TTLL9: variants seen among roughly 807,000 people sequenced by gnomAD.
The protein encoded by TTLL9 is probable tubulin polyglutamylase TTLL9.
A neutral mutation model predicts 65.6 loss-of-function variants in TTLL9; 47 were observed. The observed-to-expected ratio is 0.72, with a 90% CI of 0.57 to 0.91. The LOEUF is 0.91. Among genes scored for constraint, TTLL9 ranks in the 40% least tolerant of loss-of-function variants. The pLI, the probability that TTLL9 is intolerant of heterozygous loss-of-function variation, is 0.00. For synonymous variants in TTLL9, 179 were observed against 204.8 expected (o/e 0.87, Z 1.07); for missense variants, 537 against 568.8 (o/e 0.94, Z 0.57).
At chr20:31,883,447 C>T (rs1351611619) in intron 2 of TTLL9, among the ~76,000 whole-genome samples, 1 of 152,198 alleles carries the variant, frequency 6.6e-6, no homozygotes, top group Non-Finnish European at 1.5e-5. Flanking sequence ...CCACCTGCCT[C>T]AGTCTCCCAA....
Position 31,938,198 on chromosome 20 carries a change from T to C in TTLL9, c.1118+689T>C, listed in dbSNP as rs1470111398. ...TTCCAGCAGAAGTTTGAGGGCTGAT[T>C]CTCCTTGCTGGTAACTGGGACACAT... On this transcript the variant is annotated intron_variant, in intron 13 of 14. Transcript: ENST00000535842. The C allele has an allele frequency of 1.8e-5, 8 of 456,552 alleles. No homozygotes were observed. In the Admixed American group the frequency reaches 1.9e-4, roughly 11 times the overall value. The allele number at this position is 456,552 out of a possible 1,614,324, so 28.3% of individuals were successfully genotyped here.
Position 31,887,240 on chromosome 20 carries a change from G to GT in TTLL9, c.113+2dup. On this transcript the variant is annotated splice_donor_variant, in intron 3 of 14. Coordinates refer to ENST00000535842, the MANE Select transcript of TTLL9 (RefSeq NM_001008409.5). LOFTEE classifies it high-confidence loss of function. ...ATGGATTGTCAAAGGGAAAAGAGCG[G>GT]TGAGTGGTCCCATCCAATCCAACAA... The GT allele has an allele frequency of 1.9e-6, 3 of 1,614,120 alleles. No homozygotes were observed. Among genetic ancestry groups the GT allele is most frequent in the Non-Finnish European group, 2.5e-6 (3 of 1,180,004 alleles).
chr20:31,911,535 C>T (rs1346685763), intron 6 of TTLL9, among the ~76,000 whole-genome samples: 1 of 152,194 alleles, frequency 6.6e-6, no homozygotes, highest in Non-Finnish European at 1.5e-5. Flanking sequence ...ACCCAGGCCT[C>T]CCAGGTTCTT....
rs1453754484 is a variant in TTLL9, at chr20:31,909,679, G to A, written c.319-58G>A. ...GGTGGCTGGTGGATGTGTGGGGCTG[G>A]GAGGGGAGCGGGGCTGTGAGCAGGA... On this transcript the variant is annotated intron_variant, in intron 5 of 14. Transcript: ENST00000535842. The A allele has an allele frequency of 3.9e-6, 6 of 1,544,616 alleles. No homozygotes were observed. In the East Asian group the frequency reaches 1.4e-4, roughly 35 times the overall value.
At chr20:31,926,575 A>G (rs906449398) in intron 10 of TTLL9, among the ~76,000 whole-genome samples, 1 of 152,230 alleles carries the variant, frequency 6.6e-6, no homozygotes, top group Non-Finnish European at 1.5e-5. Context: ...CATCTGCGGT[A>G]TAAGACAAGA....
chr20:31,938,644 G>A (rs997196644), intron 13 of TTLL9, among the ~76,000 whole-genome samples: 4 of 152,180 alleles, frequency 2.6e-5, no homozygotes, highest in Admixed American at 1.3e-4. Flanking sequence ...TTGGGAGGCC[G>A]AGGCGGGCAG....
intron 4 of TTLL9, among the ~76,000 whole-genome samples, chr20:31,905,791 T>C (rs762923536): frequency 7.2e-5 from 11 of 152,038 alleles, no homozygotes; most frequent in Non-Finnish European, 1.3e-4. Flanking sequence ...CCCAGCGCTT[T>C]GGGAGGCCAA....
rs371890499 is a variant in TTLL9, at chr20:31,926,034, T to G, written c.706-15T>G. ...ACACTCTGGCCAGTCCCAAGTGAACTCCTTTGTCCCACAGGTGTTTGCTGA... is the reference window on the plus strand; with the variant it reads ...ACACTCTGGCCAGTCCCAAGTGAACGCCTTTGTCCCACAGGTGTTTGCTGA... On this transcript the variant is annotated splice_polypyrimidine_tract_variant and intron_variant, in intron 9 of 14. Coordinates refer to ENST00000535842, the MANE Select transcript of TTLL9 (RefSeq NM_001008409.5). 2.5e-5 allele frequency: 41 copies of G among 1,613,714 alleles called. No homozygotes were observed. Among genetic ancestry groups the G allele is most frequent in the Non-Finnish European group, 3.2e-5 (38 of 1,179,920 alleles).
At chr20:31,902,997 G>A (rs2063499930) in intron 4 of TTLL9, among the ~76,000 whole-genome samples, 1 of 152,098 alleles carries the variant, frequency 6.6e-6, no homozygotes, top group Non-Finnish European at 1.5e-5. Flanking sequence ...CTGAGTGGCT[G>A]GGACTACAAG....
In TTLL9 at chr20:31,908,791, G is replaced by A. The variant is rs983357370; in HGVS notation, c.318+89G>A. On this transcript the variant is annotated intron_variant, in intron 5 of 14. Transcript: ENST00000535842. ...TGGAGCTGGTACAAGGATCAGAAAA[G>A]TGTATTAGAATGTGGGATGCAACGC... 10 of 1,089,930 alleles carry A rather than the reference G, an allele frequency of 9.2e-6. No individual in the cohort carries two copies. In the African/African-American group the frequency reaches 9.3e-5, roughly 10 times the overall value. The allele number at this position is 1,089,930 out of a possible 1,614,324, so 67.5% of individuals were successfully genotyped here. A position where few individuals can be genotyped will look rare whatever the true frequency, so the allele number is the denominator to read the frequency against.
Position 31,871,894 on chromosome 20 carries a change from T to A in TTLL9, c.69+699T>A, listed in dbSNP as rs559208207. ...ACAAGTTAATTGTTGATAATATTTT[T>A]ATTTAACTCAATATATCCAAAATAT... On this transcript the variant is annotated intron_variant, in intron 2 of 14. Coordinates refer to ENST00000535842, the MANE Select transcript of TTLL9 (RefSeq NM_001008409.5). Among the ~76,000 whole-genome samples, 19 of 152,376 alleles carry A rather than the reference T, an allele frequency of 1.2e-4. No homozygotes were observed. The Middle Eastern group carries it at 0.014, about 109-fold the overall frequency.
chr20:31,896,465 T>C (rs1450539118), intron 3 of TTLL9, among the ~76,000 whole-genome samples: 1 of 152,234 alleles, frequency 6.6e-6, no homozygotes, highest in African/African-American at 2.4e-5. Flanking sequence ...TCTGCATCAA[T>C]TGATATAATC....
intron 8 of TTLL9, among the ~76,000 whole-genome samples, chr20:31,924,419 C>T (rs901492511): frequency 2.6e-5 from 4 of 152,142 alleles, no homozygotes; most frequent in Admixed American, 2.0e-4. Flanking sequence ...GTTCCTTCTG[C>T]CCAAGATCCT....
At chr20:31,918,917 G>C (rs1372178197) in intron 6 of TTLL9, among the ~76,000 whole-genome samples, 1 of 152,214 alleles carries the variant, frequency 6.6e-6, no homozygotes, top group Non-Finnish European at 1.5e-5. Context: ...CAGAGCAGGG[G>C]CTCTTTGTGC....
intron 2 of TTLL9, chr20:31,879,739 C>T (rs1024449892): frequency 1.4e-6 from 2 of 1,403,714 alleles, no homozygotes; most frequent in Non-Finnish European, 1.9e-6. Flanking sequence ...GGACCAGAGC[C>T]TGCGCACTCC....
chr20:31,898,452 G>T (rs960511887), intron 3 of TTLL9, 21 bp from the exon 4 acceptor site: 4 of 1,610,654 alleles, frequency 2.5e-6, no homozygotes, highest in African/African-American at 1.3e-5. Flanking sequence ...CTGAGCAAAT[G>T]TTCATTGCCT....
chr20:31,877,853 A>G (rs886816239), intron 2 of TTLL9, among the ~76,000 whole-genome samples: 2 of 152,232 alleles, frequency 1.3e-5, no homozygotes, highest in Admixed American at 6.5e-5. Flanking sequence ...TGGATTGGGG[A>G]AAATACACAT....
At chr20:31,909,945 T>TGGGGGG in intron 6 of TTLL9, 23 bp downstream of exon 6, 1 of 776,882 alleles carries the variant, frequency 1.3e-6, no homozygotes. Context: ...TGCCAGGGGC[T>TGGGGGG]GGGTGGGAGG....
intron 4 of TTLL9, among the ~76,000 whole-genome samples, chr20:31,906,243 T>C (rs549204181): frequency 5.3e-5 from 8 of 152,120 alleles, no homozygotes; most frequent in East Asian, 1.9e-4. Context: ...CTCTGTGACA[T>C]TGGGGGCATC....
Sources: allele counts gnomAD v4.1 joint callset (sites outside exome capture counted in the v4.1 genomes callset), GRCh38; gene constraint gnomAD v4.1.1; transcripts MANE v1.5; gene names NCBI Gene and HGNC (gene_info 2026-07-23, HGNC 2026-07-21).